Variants in KREMEN1 observed in about 807,000 individuals in gnomAD.
KREMEN1 encodes the protein kringle containing transmembrane protein 1, also known as kremen protein 1.
In KREMEN1, 30 loss-of-function variants were observed where a neutral mutation model predicts 46.5. The ratio of observed to expected loss-of-function variants is 0.65; its 90% CI spans 0.48 to 0.88. The LOEUF is 0.88. KREMEN1 is among the 40% of genes least tolerant of loss of function. The pLI, the probability that KREMEN1 is intolerant of heterozygous loss-of-function variation, is 0.00. For synonymous variants in KREMEN1, 214 were observed against 230.6 expected (o/e 0.93, Z 0.65); for missense variants, 533 against 596.9 (o/e 0.89, Z 1.11).
At position 29,144,113 on chromosome 22, in the gene KREMEN1, C is replaced by T. The variant is rs1316579949; in HGVS notation, c.*2001C>T. 1.0e-6 allele frequency: 1 copy of T among 985,420 alleles called. No homozygotes were observed. Among genetic ancestry groups the T allele is most frequent in the African/African-American group, 1.7e-5 (1 of 57,256 alleles). The allele number at this position is 985,420 out of a possible 1,614,324, so 61.0% of individuals were successfully genotyped here. ...CCTAGGCCCTCGTCAGAGCGTGCCT[C>T]TCCACAAGGCACTTGGGCCTGGGTG... On this transcript the variant is annotated 3_prime_UTR_variant, in exon 9 of 9. Transcript: ENST00000400335.
intron 1 of KREMEN1, among the ~76,000 whole-genome samples, chr22:29,087,120 G>A (rs1163871309): frequency 6.6e-6 from 1 of 151,964 alleles, no homozygotes; most frequent in Non-Finnish European, 1.5e-5. Flanking sequence ...TACCTACCAA[G>A]TTTCATAGAC....
intron 4 of KREMEN1, among the ~76,000 whole-genome samples, chr22:29,123,831 G>T (rs756865384): frequency 1.1e-4 from 17 of 152,064 alleles, no homozygotes; most frequent in East Asian, 1.9e-4. Context: ...AGATATAGTC[G>T]ACATCATTAG....
chr22:29,106,419 C>A (rs1195109073), intron 3 of KREMEN1, among the ~76,000 whole-genome samples: 1 of 150,622 alleles, frequency 6.6e-6, no homozygotes, highest in Admixed American at 6.6e-5. Flanking sequence ...TTAATAGAGA[C>A]GGGGTTTCAC....
chr22:29,088,368 AC>A (rs1279434014), intron 1 of KREMEN1, among the ~76,000 whole-genome samples: 1 of 151,762 alleles, frequency 6.6e-6, no homozygotes, highest in African/African-American at 2.4e-5. Flanking sequence ...CCGCTCTGTC[AC>A]CCAGGGTATA....
rs529746749 is a variant in KREMEN1 at position 29,137,224 on chromosome 22, A to G, written c.632-118A>G. 9 of 650,724 alleles carry G rather than the reference A, an allele frequency of 1.4e-5. No homozygotes were observed. In the African/African-American group the frequency reaches 1.6e-4, roughly 12 times the overall value. 40.3% of individuals were successfully genotyped at this position (650,724 alleles called of 1,614,324 possible). ...TTTGTGACTGTCAGGTTTTACAGAT[A>G]GAAACAATGTCCTAAATGGGATCCT... On this transcript the variant is annotated intron_variant, in intron 5 of 8. Transcript: ENST00000400335.
At chr22:29,079,525 G>C (rs1879472433) in intron 1 of KREMEN1, among the ~76,000 whole-genome samples, 1 of 152,264 alleles carries the variant, frequency 6.6e-6, no homozygotes, top group South Asian at 2.1e-4. Flanking sequence ...GTGGGCTGAG[G>C]AGGCTGCAGC....
Position 29,088,745 on chromosome 22 carries a change from C to T in KREMEN1, c.98-5513C>T, listed in dbSNP as rs1569313873. On this transcript the variant is annotated intron_variant, in intron 1 of 8. Transcript: ENST00000400335. ...TAATTTTTGAATACCTACTATGTAC[C>T]GAGTACTTTACTTGCACACGTTCCA... is the stretch of plus-strand genomic sequence containing the variant. Among the ~76,000 whole-genome samples, 4 of 151,972 alleles carry T rather than the reference C, an allele frequency of 2.6e-5. No homozygotes were observed. In the South Asian group the frequency reaches 6.2e-4, roughly 24 times the overall value.
intron 3 of KREMEN1, among the ~76,000 whole-genome samples, chr22:29,105,057 A>T (rs1407989939): frequency 1.3e-5 from 2 of 152,160 alleles, no homozygotes; most frequent in African/African-American, 4.8e-5. Flanking sequence ...TCAGTCTGGG[A>T]CAGAAGACAG....
chr22:29,156,130 C>T (rs2038959252), intron 9 of KREMEN1, among the ~76,000 whole-genome samples: 1 of 152,214 alleles, frequency 6.6e-6, no homozygotes, highest in African/African-American at 2.4e-5. Context: ...AGGAAGGGGG[C>T]CTGGCCAATG....
intron 5 of KREMEN1, among the ~76,000 whole-genome samples, chr22:29,129,427 T>C (rs1338207598): frequency 6.6e-5 from 10 of 152,074 alleles, no homozygotes; most frequent in South Asian, 2.1e-4. Flanking sequence ...TTATGACTCA[T>C]TGAACAAGGC....
rs764296049 is a variant in KREMEN1 at position 29,138,842 on chromosome 22, C to T, written c.1123+60C>T. 7.4e-6 allele frequency: 12 copies of T among 1,613,050 alleles called. No homozygotes were observed. The Admixed American group carries it at 1.5e-4, about 20-fold the overall frequency. On this transcript the variant is annotated intron_variant, in intron 7 of 8. Coordinates refer to ENST00000400335, the MANE Select transcript of KREMEN1 (RefSeq NM_001039570.3). ...AAGCCACAGAGTTGAAGGTAGCGCT[C>T]TTGACAGTTATAAAGACAAAAGCAC...
chr22:29,140,449 C>T, intron 8 of KREMEN1, 83 bp downstream of exon 8: 2 of 1,037,686 alleles, frequency 1.9e-6, no homozygotes, highest in Non-Finnish European at 1.5e-6. Flanking sequence ...TGTCTGGTTA[C>T]AACTGTAGAA....
intron 1 of KREMEN1, among the ~76,000 whole-genome samples, chr22:29,081,149 CCTT>C (rs1336063664): frequency 2.6e-5 from 4 of 152,076 alleles, no homozygotes; most frequent in Non-Finnish European, 5.9e-5. Context: ...CTCCCCCCGT[CCTT>C]CTTTTTACTG....
At chr22:29,156,869 A>G (rs76039824) in intron 9 of KREMEN1, among the ~76,000 whole-genome samples, 3,534 of 152,290 alleles carry the variant, frequency 0.023, 140 homozygotes, top group African/African-American at 0.081. Context: ...CAGCAACCCC[A>G]TGAGGTAGGT....
Position 29,144,971 on chromosome 22 carries a change from C to T in KREMEN1, c.*2859C>T, listed in dbSNP as rs952888128. ...GCGCCTCTAGGATCAACTTACGATC[C>T]GTGGAGCAGCCCCGGGAAACCCAAA... On this transcript the variant is annotated 3_prime_UTR_variant, in exon 9 of 9. Transcript: ENST00000400335. 45 of 985,538 alleles carry T rather than the reference C, an allele frequency of 4.6e-5. No individual in the cohort carries two copies. The highest frequency in any genetic ancestry group is 2.4e-4 in the African/African-American group (14 of 57,372). 61.0% of individuals were successfully genotyped at this position (985,538 alleles called of 1,614,324 possible). A position where few individuals can be genotyped will look rare whatever the true frequency, so the allele number is the denominator to read the frequency against.
intron 3 of KREMEN1, among the ~76,000 whole-genome samples, chr22:29,112,821 C>T (rs1241886982): frequency 1.3e-5 from 2 of 152,222 alleles, no homozygotes; most frequent in Non-Finnish European, 2.9e-5. Context: ...CTTTTCCTCC[C>T]TGCTTCTGGG....
At chr22:29,157,324 C>G (rs1021788750) in intron 9 of KREMEN1, among the ~76,000 whole-genome samples, 2 of 152,070 alleles carry the variant, frequency 1.3e-5, no homozygotes, top group Non-Finnish European at 2.9e-5. Flanking sequence ...TGTCCAAGGC[C>G]CCACCATGAC....
intron 5 of KREMEN1, among the ~76,000 whole-genome samples, chr22:29,126,012 G>A (rs1490700985): frequency 6.6e-6 from 1 of 151,766 alleles, no homozygotes; most frequent in East Asian, 1.9e-4. Flanking sequence ...CACTGAGCCA[G>A]CTGATTCCTC....
At position 29,073,163 on chromosome 22, in the gene KREMEN1, C is replaced by G. The variant is rs1471834827; in HGVS notation, c.33C>G (p.Leu11=). Reference sequence around the variant, plus strand: ...CGCCAGCCGCCCGCCTCGCCCTGCTCTCCGCCGCGGCGCTCACGCTGGCGG... The same window carrying G: ...CGCCAGCCGCCCGCCTCGCCCTGCTGTCCGCCGCGGCGCTCACGCTGGCGG... MAPPAARLAL[L]SAAALTLAAR... The change falls in exon 1 of 9, where the codon CTC becomes CTG. Residue 11 remains leucine, a synonymous_variant. Transcript: ENST00000400335. The surrounding 1 kb of genome is among the most constrained non-coding windows in gnomAD (Gnocchi z 4.4). 8.6e-7 allele frequency: 1 copy of G among 1,160,348 alleles called. No individual in the cohort carries two copies. Among genetic ancestry groups the G allele is most frequent in the South Asian group, 3.6e-5 (1 of 28,084 alleles). 71.9% of individuals were successfully genotyped at this position (1,160,348 alleles called of 1,614,324 possible). A position where few individuals can be genotyped will look rare whatever the true frequency, so the allele number is the denominator to read the frequency against.
Sources: gnomAD v4.1 joint callset for allele counts (sites outside exome capture counted in the v4.1 genomes callset) on GRCh38, gnomAD v4.1.1 for gene constraint, Gnocchi (gnomAD v3.1) non-coding constraint, MANE v1.5 for transcripts, NCBI Gene and HGNC (gene_info 2026-07-23, HGNC 2026-07-21) for gene names.